Variants in PLXNC1 observed in about 807,000 individuals in gnomAD.
PLXNC1 encodes the protein plexin-C1.
PLXNC1 carries 75 observed loss-of-function variants against 178.2 expected under a neutral mutation model. The ratio of observed to expected loss-of-function variants is 0.42; its 90% CI spans 0.35 to 0.51. PLXNC1 has a LOEUF of 0.51. PLXNC1 is among the 20% of genes least tolerant of loss of function. The pLI is 0.02. For synonymous variants in PLXNC1, 790 were observed against 779.9 expected, an observed-to-expected ratio of 1.01 and a Z score of -0.22; for missense variants, 1,503 against 1,984.4, an observed-to-expected ratio of 0.76 and a Z score of 4.61.
intron 21 of PLXNC1, among the ~76,000 whole-genome samples, chr12:94,275,687 A>G (rs1965886060): frequency 8.2e-6 from 1 of 121,414 alleles, no homozygotes; most frequent in African/African-American, 3.3e-5. Flanking sequence ...CCCCGTCTCT[A>G]CTAAAAAAAT....
At chr12:94,279,243 T>C (rs1370386855) in intron 21 of PLXNC1, among the ~76,000 whole-genome samples, 1 of 152,250 alleles carries the variant, frequency 6.6e-6, no homozygotes, top group African/African-American at 2.4e-5. Context: ...CAGATATATT[T>C]ATTCAATGCT....
chr12:94,297,284 C>T lies in PLXNC1; in HGVS notation c.3967-32C>T, dbSNP rs759895849. On this transcript the variant is annotated intron_variant, in intron 25 of 30. Transcript: ENST00000258526. ...TGCCTTCTGTAGCAAGAGTGGTCTC[C>T]TTGGGTAACGCTTCTGCTGTCTTCC... The T allele has an allele frequency of 5.0e-6, 8 of 1,612,762 alleles. No homozygotes were observed. The East Asian group carries it at 1.6e-4, about 31-fold the overall frequency.
At position 94,298,694 on chromosome 12, in the gene PLXNC1, A is replaced by G; in HGVS notation, c.4137A>G (p.Arg1379=). ...FRSIWSLPNS[R]APFAIKYFFD... is the part of the protein sequence containing the mutation. The stretch of plus-strand genomic sequence containing the variant: ...GCATTTGGAGTTTACCCAACAGCAG[A>G]GCTCCATTTGCTATAAAATACTTTT... Residue 1379 remains arginine, a synonymous_variant, in exon 27 of 31, where the codon AGA becomes AGG. Coordinates refer to ENST00000258526, the MANE Select transcript of PLXNC1 (RefSeq NM_005761.3). 4 of 1,612,734 alleles carry G rather than the reference A, an allele frequency of 2.5e-6. No individual in the cohort carries two copies. Among genetic ancestry groups the G allele is most frequent in the Non-Finnish European group, 3.4e-6 (4 of 1,179,652 alleles).
chr12:94,219,392 T>C (rs998887757), intron 5 of PLXNC1, among the ~76,000 whole-genome samples: 1 of 152,214 alleles, frequency 6.6e-6, no homozygotes, highest in East Asian at 1.9e-4. Flanking sequence ...CTGGATAAAG[T>C]TGGACCCTTA....
chr12:94,189,677 C>CCCTG (rs59694205), intron 4 of PLXNC1, among the ~76,000 whole-genome samples: 302 of 110,754 alleles, frequency 2.7e-3, no homozygotes, highest in Non-Finnish European at 4.5e-3. Context: ...GAGACCCTGT[C>CCCTG]TCAAAAAAAA....
chr12:94,291,058 C>T (rs1395066204), intron 23 of PLXNC1, among the ~76,000 whole-genome samples: 7 of 152,190 alleles, frequency 4.6e-5, no homozygotes, highest in Admixed American at 4.6e-4. Flanking sequence ...TGGGGATTTG[C>T]GAGTGCCCAT....
chr12:94,303,799 C>T lies in PLXNC1; in HGVS notation c.4430C>T (p.Thr1477Ile). ...CTTCTCTATGCCAAGGATATCCCAA[C>T]CTACAAAGAAGAAGTAAAATCTTAT... ...NKLLYAKDIP[T>I]YKEEVKSYYK... is the part of the protein sequence containing the mutation. Residue 1477 changes from threonine (T) to isoleucine (I), a missense_variant, in exon 29 of 31, where the codon ACC becomes ATC. By Grantham distance (89) the Thr-to-Ile change is moderately conservative. This residue lies in a region of PLXNC1 where 639 missense variants were observed against 979.7 expected (regional missense o/e 0.65). Transcript: ENST00000258526. The T allele has an allele frequency of 6.3e-7, 1 of 1,592,288 alleles. No individual in the cohort carries two copies. The highest frequency in any genetic ancestry group is 8.6e-7 in the Non-Finnish European group (1 of 1,168,630).
At chr12:94,251,395 T>C (rs755991093) in intron 14 of PLXNC1, 31 bp from the exon 15 acceptor site, 9 of 1,285,696 alleles carry the variant, frequency 7.0e-6, no homozygotes, top group African/African-American at 2.9e-5. Context: ...CCCAACTCAA[T>C]TGGGTCTAAT....
At chr12:94,162,478 C>T (rs1351018083) in intron 1 of PLXNC1, among the ~76,000 whole-genome samples, 1 of 152,076 alleles carries the variant, frequency 6.6e-6, no homozygotes, top group Non-Finnish European at 1.5e-5. Context: ...TGATGGGAAG[C>T]CATTGGAGAA....
intron 11 of PLXNC1, 86 bp from the exon 12 acceptor site, chr12:94,243,852 A>G: frequency 1.6e-6 from 1 of 612,012 alleles, no homozygotes; most frequent in Non-Finnish European, 2.9e-6. Context: ...AATATTAAAC[A>G]TGAATAAATT....
intron 1 of PLXNC1, among the ~76,000 whole-genome samples, chr12:94,161,007 G>C (rs575483667): frequency 6.6e-6 from 1 of 152,120 alleles, no homozygotes; most frequent in Non-Finnish European, 1.5e-5. Context: ...AAAGTCACAG[G>C]TTCAGTAAAT....
intron 8 of PLXNC1, among the ~76,000 whole-genome samples, 174 bp from the exon 9 acceptor site, chr12:94,226,975 A>G (rs1179615776): frequency 2.7e-5 from 4 of 147,792 alleles, no homozygotes; most frequent in Non-Finnish European, 5.9e-5. Flanking sequence ...GTGAGCCGAG[A>G]TCGCGCCACT....
intron 5 of PLXNC1, among the ~76,000 whole-genome samples, chr12:94,212,382 T>C (rs1351581236): frequency 6.6e-6 from 1 of 152,206 alleles, no homozygotes; most frequent in Non-Finnish European, 1.5e-5. Flanking sequence ...ACGTGCAGTT[T>C]TGTTACATAG....
rs1964796064 is a variant in PLXNC1, at chr12:94,254,810, A to C, written c.2905A>C (p.Lys969Gln). Residue 969 changes from lysine to glutamine, a missense_variant, in exon 16 of 31, where the codon AAA becomes CAA. Coordinates refer to ENST00000258526, the MANE Select transcript of PLXNC1 (RefSeq NM_005761.3). ...IFAAVGVTRH[K>Q]SKELSRKQSQ... Reference sequence around the variant, plus strand: ...AGCGGCCGTGGGGGTGACCAGGCACAAATCGAAGGAGCTGAGTCGCAAACA... The same window carrying C: ...AGCGGCCGTGGGGGTGACCAGGCACCAATCGAAGGAGCTGAGTCGCAAACA... 1 of 1,605,232 alleles carries C rather than the reference A, an allele frequency of 6.2e-7. No homozygotes were observed. Among genetic ancestry groups the C allele is most frequent in the African/African-American group, 1.3e-5 (1 of 74,160 alleles).
chr12:94,279,900 C>G (rs1285939694), intron 22 of PLXNC1: 7 of 632,386 alleles, frequency 1.1e-5, no homozygotes, highest in African/African-American at 1.1e-4. Context: ...AATATTACGT[C>G]TGTAAATCAG....
chr12:94,297,248 A>G (rs1968023007), intron 25 of PLXNC1, 28 bp downstream of exon 25: 1 of 1,613,744 alleles, frequency 6.2e-7, no homozygotes, highest in Non-Finnish European at 8.5e-7. Flanking sequence ...TGTGCTCACC[A>G]CTGAACTGCA....
At chr12:94,231,545 T>G (rs986001221) in intron 9 of PLXNC1, among the ~76,000 whole-genome samples, 1 of 152,118 alleles carries the variant, frequency 6.6e-6, no homozygotes, top group Non-Finnish European at 1.5e-5. Context: ...TGAGGTAGGG[T>G]CCTGGTTCAG....
At chr12:94,170,883 C>T (rs1961816676) in intron 2 of PLXNC1, among the ~76,000 whole-genome samples, 1 of 152,212 alleles carries the variant, frequency 6.6e-6, no homozygotes. Context: ...TCATTCTACA[C>T]AAGTCACTGG....
Position 94,265,158 on chromosome 12 carries a change from C to T in PLXNC1, c.3530C>T (p.Thr1177Ile). 3 of 1,614,164 alleles carry T rather than the reference C, an allele frequency of 1.9e-6. No individual in the cohort carries two copies. Among genetic ancestry groups the T allele is most frequent in the Non-Finnish European group, 2.5e-6 (3 of 1,180,000 alleles). ...KINKGPVDVI[T>I]CKALYTLNED... ...AACAAGGGTCCCGTGGATGTAATCA[C>T]TTGCAAAGCCCTGTACACACTTAAT... The change falls in exon 21 of 31, where the codon ACT becomes ATT. Residue 1177 changes from threonine (T) to isoleucine (I), a missense_variant. This residue lies in a region of PLXNC1 where 639 missense variants were observed against 979.7 expected (regional missense o/e 0.65). Coordinates refer to ENST00000258526, the MANE Select transcript of PLXNC1 (RefSeq NM_005761.3).
Sources: allele counts gnomAD v4.1 joint callset (sites outside exome capture counted in the v4.1 genomes callset), GRCh38; gene constraint gnomAD v4.1.1; regional missense constraint gnomAD v4.1.1; transcripts MANE v1.5; gene names NCBI Gene and HGNC (gene_info 2026-07-23, HGNC 2026-07-21).